Variants in FSBP observed in about 807,000 individuals in gnomAD.
FSBP encodes the protein fibrinogen silencer binding protein, also known as fibrinogen silencer-binding protein.
FSBP carries 18 observed loss-of-function variants against 24.6 expected under a neutral mutation model. The ratio of observed to expected loss-of-function variants is 0.73; its 90% CI spans 0.51 to 1.08. FSBP has a LOEUF of 1.08. Ranked by LOEUF, FSBP falls within the 50% of genes least tolerant of loss-of-function variation. The pLI, the probability that FSBP is intolerant of heterozygous loss-of-function variation, is 0.00. For missense variants in FSBP, 305 were observed against 347.6 expected (o/e 0.88, Z 0.98); for synonymous variants, 110 against 125.8 (o/e 0.87, Z 0.84).
In FSBP at chr8:94,432,649, A is replaced by G; in HGVS notation, c.382T>C (p.Leu128=). The G allele has an allele frequency of 6.5e-7, 1 of 1,532,634 alleles. No homozygotes were observed. Among genetic ancestry groups the G allele is most frequent in the Non-Finnish European group, 8.8e-7 (1 of 1,137,400 alleles). The allele number at this position is 1,532,634 out of a possible 1,614,324, so 94.9% of individuals were successfully genotyped here. ...GTACCAGCCTGTGCCTCCTCATCCA[A>G]GTTTGCACTATAGCACACAAAAAAG... The part of the protein sequence containing the change: ...RDRNHIQSAN[L]DEEAQAGTSS... Residue 128 remains leucine, a synonymous_variant, in exon 2 of 2, where the codon TTG becomes CTG. Coordinates refer to ENST00000481490, the MANE Select transcript of FSBP (RefSeq NM_001256141.2).
At position 94,430,694 on chromosome 8, in the gene FSBP, G is replaced by A; in HGVS notation, c.*1437C>T. The A allele has an allele frequency of 2.3e-6, 2 of 878,110 alleles. No homozygotes were observed. The allele number at this position is 878,110 out of a possible 1,614,324, so 54.4% of individuals were successfully genotyped here. A position where few individuals can be genotyped will look rare whatever the true frequency, so the allele number is the denominator to read the frequency against. Reference sequence around the variant, plus strand: ...GCTCAGTGAGGCCCACTCACATGTTGTCTGTATAATGTTTTAAAAGCATTT... The same window carrying A: ...GCTCAGTGAGGCCCACTCACATGTTATCTGTATAATGTTTTAAAAGCATTT... On this transcript the variant is annotated 3_prime_UTR_variant, in exon 2 of 2. Coordinates refer to ENST00000481490, the MANE Select transcript of FSBP (RefSeq NM_001256141.2).
intron 1 of FSBP, among the ~76,000 whole-genome samples, chr8:94,435,731 G>C (rs961042970): frequency 4.9e-4 from 74 of 152,056 alleles, no homozygotes; most frequent in African/African-American, 1.6e-3. Flanking sequence ...GTTGCTCTTA[G>C]GGGTATTTTA....
Position 94,430,617 on chromosome 8 carries a change from T to C in FSBP, c.*1514A>G. On this transcript the variant is annotated 3_prime_UTR_variant, in exon 2 of 2. Coordinates refer to ENST00000481490, the MANE Select transcript of FSBP (RefSeq NM_001256141.2). ...TGCTGATGCTGCTGGTCAGGACCCA[T>C]ACTTGGAAAACCATTGGTCTACTCC... 9.9e-6 allele frequency: 6 copies of C among 608,620 alleles called. No individual in the cohort carries two copies. The highest frequency in any genetic ancestry group is 1.0e-5 in the Non-Finnish European group (5 of 486,420). The allele number at this position is 608,620 out of a possible 1,614,324, so 37.7% of individuals were successfully genotyped here. A position where few individuals can be genotyped will look rare whatever the true frequency, so the allele number is the denominator to read the frequency against.
rs1324783615 is a variant in FSBP at position 94,430,308 on chromosome 8, C to G, written c.*1823G>C. On this transcript the variant is annotated 3_prime_UTR_variant, in exon 2 of 2. Coordinates refer to ENST00000481490, the MANE Select transcript of FSBP (RefSeq NM_001256141.2). Reference sequence around the variant, plus strand: ...CCTAGGTGACAAAGCAAGACTCCATCTCAAAAAAAAAAAAAAAAAGTATTT... The same window carrying G: ...CCTAGGTGACAAAGCAAGACTCCATGTCAAAAAAAAAAAAAAAAAGTATTT... The G allele has an allele frequency of 2.0e-5, 17 of 844,446 alleles. 1 individual carries two copies. The South Asian group carries it at 9.0e-4, about 45-fold the overall frequency. 52.3% of individuals were successfully genotyped at this position (844,446 alleles called of 1,614,324 possible).
At position 94,433,294 on chromosome 8, in the gene FSBP, C is replaced by T. The variant is rs184416594; in HGVS notation, c.375-638G>A. 3.5e-3 allele frequency among the ~76,000 whole-genome samples: 539 copies of T among 152,130 alleles called. 3 individuals are homozygous for T. The highest frequency in any genetic ancestry group is 0.024 in the Middle Eastern group (7 of 294). ...AAACTTCCGTTTTACCTATTCTGAA[C>T]CATATGACTCAGATGCTGTTTAAGT... is the stretch of plus-strand genomic sequence containing the variant. On this transcript the variant is annotated intron_variant, in intron 1 of 1. Coordinates refer to ENST00000481490, the MANE Select transcript of FSBP (RefSeq NM_001256141.2).
chr8:94,434,809 T>C (rs1384851526), intron 1 of FSBP, among the ~76,000 whole-genome samples: 1 of 151,616 alleles, frequency 6.6e-6, no homozygotes, highest in African/African-American at 2.4e-5. Flanking sequence ...ACCTAACAAA[T>C]TGGTATTATT....
rs867164813 is a variant in FSBP at position 94,430,600 on chromosome 8, C to A, written c.*1531G>T. 10 of 608,384 alleles carry A rather than the reference C, an allele frequency of 1.6e-5. 1 individual carries two copies. The highest frequency in any genetic ancestry group is 1.7e-3 in the Middle Eastern group (2 of 1,200). The allele number at this position is 608,384 out of a possible 1,614,324, so 37.7% of individuals were successfully genotyped here. ...AACAAGTTCTCAAGTGATGCTGATG[C>A]TGCTGGTCAGGACCCATACTTGGAA... is the stretch of plus-strand genomic sequence containing the variant. On this transcript the variant is annotated 3_prime_UTR_variant, in exon 2 of 2. Coordinates refer to ENST00000481490, the MANE Select transcript of FSBP (RefSeq NM_001256141.2).
chr8:94,429,157 A>C lies in FSBP; in HGVS notation c.*2974T>G, dbSNP rs1038233783. On this transcript the variant is annotated 3_prime_UTR_variant, in exon 2 of 2. Transcript: ENST00000481490. ...TTCTGGTGTTTAAAAATATGTAAAA[A>C]TAGGTTTCTTATTGTATACAGCCCC... is the stretch of plus-strand genomic sequence containing the variant. 10 of 966,580 alleles carry C rather than the reference A, an allele frequency of 1.0e-5. No homozygotes were observed. The highest frequency in any genetic ancestry group is 1.2e-5 in the Non-Finnish European group (10 of 812,834). 59.9% of individuals were successfully genotyped at this position (966,580 alleles called of 1,614,324 possible).
rs777821386 is a variant in FSBP at position 94,430,658 on chromosome 8, G to C, written c.*1473C>G. 26 of 713,368 alleles carry C rather than the reference G, an allele frequency of 3.6e-5. No individual in the cohort carries two copies. The highest frequency in any genetic ancestry group is 4.5e-5 in the Non-Finnish European group (26 of 581,802). The allele number at this position is 713,368 out of a possible 1,614,324, so 44.2% of individuals were successfully genotyped here. On this transcript the variant is annotated 3_prime_UTR_variant, in exon 2 of 2. Transcript: ENST00000481490. ...GGTCTACTCCAAAGGCCACAAAGTG[G>C]AAGCCCAATGGCTCAGTGAGGCCCA...
chr8:94,432,805 T>G, intron 1 of FSBP, 149 bp from the exon 2 acceptor site: 1 of 1,044,588 alleles, frequency 9.6e-7, no homozygotes, highest in Non-Finnish European at 1.3e-6. Flanking sequence ...ACACTTGAAA[T>G]ACATTAAAGT....
intron 1 of FSBP, 111 bp downstream of exon 1, chr8:94,436,383 CA>C: frequency 7.7e-7 from 1 of 1,306,462 alleles, no homozygotes; most frequent in African/African-American, 1.5e-5. Context: ...AGACACTATT[CA>C]TTGCTCCCGT....
At chr8:94,435,169 C>A (rs1357368250) in intron 1 of FSBP, among the ~76,000 whole-genome samples, 1 of 151,940 alleles carries the variant, frequency 6.6e-6, no homozygotes, top group Non-Finnish European at 1.5e-5. Context: ...AATTTTACTG[C>A]GTAGTTTTCT....
rs1388168124 is a variant in FSBP at position 94,428,826 on chromosome 8, C to A, written c.*3305G>T. On this transcript the variant is annotated 3_prime_UTR_variant, in exon 2 of 2. Coordinates refer to ENST00000481490, the MANE Select transcript of FSBP (RefSeq NM_001256141.2). Reference sequence around the variant, plus strand: ...CTGCTAATGTTAGTTGGTAAGTAGTCCCCTAACTCAAAAAAGTCTCAATAC... The same window carrying A: ...CTGCTAATGTTAGTTGGTAAGTAGTACCCTAACTCAAAAAAGTCTCAATAC... The A allele has an allele frequency of 8.1e-6, 8 of 984,800 alleles. No individual in the cohort carries two copies. The highest frequency in any genetic ancestry group is 9.6e-6 in the Non-Finnish European group (8 of 829,776). 61.0% of individuals were successfully genotyped at this position (984,800 alleles called of 1,614,324 possible). A position where few individuals can be genotyped will look rare whatever the true frequency, so the allele number is the denominator to read the frequency against.
Position 94,432,379 on chromosome 8 carries a change from GAA to G in FSBP, c.650_651del (p.Phe217SerfsTer3). 1 of 1,550,184 alleles carries G rather than the reference GAA, an allele frequency of 6.5e-7. No homozygotes were observed. The highest frequency in any genetic ancestry group is 1.2e-5 in the South Asian group (1 of 84,040). Reference protein sequence around the residue: ...PSSIPRRDDFFRHESGEHFRS... With the variant: ...PSSIPRRDDFXRHESGEHFRS... ...CTAAAGTGTTCACCACTCTCATGCC[GAA>G]AAAAATCATCTCTCCTTGGAATAGA... On this transcript the variant is annotated frameshift_variant, in exon 2 of 2. Transcript: ENST00000481490. LOFTEE classifies it high-confidence loss of function.
rs1365996445 is a variant in FSBP, at chr8:94,436,670, C to T, written c.199G>A (p.Gly67Ser). ...AGCCTTTTATAAAGGGTGCGTAGGCCCTGTGCTGTTCGAGGAGGGCGGTCT... is the reference window on the plus strand; with the variant it reads ...AGCCTTTTATAAAGGGTGCGTAGGCTCTGTGCTGTTCGAGGAGGGCGGTCT... ...GVDRPPRTAQ[G>S]LRTLYKRLKE... The change falls in exon 1 of 2, where the codon GGC (glycine) becomes AGC (serine). Residue 67 changes from glycine (G) to serine (S), a missense_variant. By Grantham distance (56) the Gly-to-Ser change is moderately conservative. Transcript: ENST00000481490. 1.3e-6 allele frequency: 2 copies of T among 1,550,402 alleles called. No homozygotes were observed. Among genetic ancestry groups the T allele is most frequent in the Non-Finnish European group, 1.7e-6 (2 of 1,146,914 alleles).
intron 1 of FSBP, among the ~76,000 whole-genome samples, chr8:94,435,382 T>C (rs1411111261): frequency 6.6e-6 from 1 of 152,040 alleles, no homozygotes; most frequent in Non-Finnish European, 1.5e-5. Context: ...CAAAATAACA[T>C]ATGCACTTGG....
Position 94,431,985 on chromosome 8 carries a change from T to C in FSBP, c.*146A>G. On this transcript the variant is annotated 3_prime_UTR_variant, in exon 2 of 2. Coordinates refer to ENST00000481490, the MANE Select transcript of FSBP (RefSeq NM_001256141.2). ...TAAATTTTAATATCTCAAAAGAAAA[T>C]AATTAGAAAATTATATCTAAAAAGT... 5 of 1,303,892 alleles carry C rather than the reference T, an allele frequency of 3.8e-6. No homozygotes were observed. The highest frequency in any genetic ancestry group is 1.5e-5 in the African/African-American group (1 of 65,610). 80.8% of individuals were successfully genotyped at this position (1,303,892 alleles called of 1,614,324 possible).
rs1812044676 is a variant in FSBP at position 94,429,950 on chromosome 8, A to G, written c.*2181T>C. 3.0e-6 allele frequency: 3 copies of G among 985,266 alleles called. No homozygotes were observed. The highest frequency in any genetic ancestry group is 1.7e-5 in the African/African-American group (1 of 57,234). The allele number at this position is 985,266 out of a possible 1,614,324, so 61.0% of individuals were successfully genotyped here. On this transcript the variant is annotated 3_prime_UTR_variant, in exon 2 of 2. Coordinates refer to ENST00000481490, the MANE Select transcript of FSBP (RefSeq NM_001256141.2). ...ATGCCACTCCTCCTAAATCACAACTATAATCAAATTAGCCCTCTAATTCAA... is the reference window on the plus strand; with the variant it reads ...ATGCCACTCCTCCTAAATCACAACTGTAATCAAATTAGCCCTCTAATTCAA...
chr8:94,434,014 G>A (rs1229481086), intron 1 of FSBP, among the ~76,000 whole-genome samples: 1 of 151,680 alleles, frequency 6.6e-6, no homozygotes, highest in East Asian at 1.9e-4. Context: ...AAATCTATTT[G>A]TAGGTTATAT....
Sources: gnomAD v4.1 joint callset for allele counts (sites outside exome capture counted in the v4.1 genomes callset) on GRCh38, gnomAD v4.1.1 for gene constraint, MANE v1.5 for transcripts, NCBI Gene and HGNC (gene_info 2026-07-23, HGNC 2026-07-21) for gene names.